EIF3L: variants seen among roughly 807,000 people sequenced by gnomAD.
EIF3L encodes eIEF associated protein HSPC021.
In EIF3L, 32 loss-of-function variants were observed where a neutral mutation model predicts 74.6. That is an observed-to-expected ratio of 0.43 (90% confidence interval 0.32 to 0.58). The LOEUF is 0.58. Ranked by LOEUF, EIF3L falls within the 20% of genes least tolerant of loss-of-function variation. The pLI is 0.06. For synonymous variants in EIF3L, 256 were observed against 254.4 expected (o/e 1.01, Z -0.06); for missense variants, 474 against 707.8 (o/e 0.67, Z 3.75).
chr22:37,868,405 G>T (rs932295832), intron 7 of EIF3L, among the ~76,000 whole-genome samples: 1 of 150,982 alleles, frequency 6.6e-6, no homozygotes, highest in African/African-American at 2.4e-5. Context: ...GATAACAGGT[G>T]TAAGCGCCAC....
At chr22:37,853,819 T>TATAAAATTAGA (rs1415597581) in intron 3 of EIF3L, among the ~76,000 whole-genome samples, 9 of 152,214 alleles carry the variant, frequency 5.9e-5, no homozygotes, top group Non-Finnish European at 1.2e-4. Context: ...GTGTTTAGAT[T>TATAAAATTAGA]TTATAGAGTT....
chr22:37,886,224 A>G (rs138246266), intron 11 of EIF3L: 3,889 of 150,814 alleles, frequency 0.026, 166 homozygotes, highest in Admixed American at 0.12. Flanking sequence ...AAAATAAAAG[A>G]CAAAAAAAAA....
intron 11 of EIF3L, chr22:37,881,750 A>G (rs1252970724): frequency 6.6e-6 from 1 of 152,186 alleles, no homozygotes; most frequent in African/African-American, 2.4e-5. Flanking sequence ...TCCATAGGGC[A>G]GAGGGGGTCT....
At chr22:37,863,663 G>T (rs182986115) in intron 7 of EIF3L, among the ~76,000 whole-genome samples, 1 of 152,232 alleles carries the variant, frequency 6.6e-6, no homozygotes, top group African/African-American at 2.4e-5. Context: ...TTCTAACTTG[G>T]GTGCTGCCAC....
chr22:37,849,809 G>C, intron 1 of EIF3L: 1 of 627,452 alleles, frequency 1.6e-6, no homozygotes, highest in Non-Finnish European at 2.8e-6. Flanking sequence ...CTTGTCCTTT[G>C]CTCCACCTCA....
intron 7 of EIF3L, among the ~76,000 whole-genome samples, chr22:37,868,259 G>A (rs1926270547): frequency 6.8e-6 from 1 of 148,140 alleles, no homozygotes; most frequent in African/African-American, 2.5e-5. Flanking sequence ...GATTACAGGT[G>A]TGCACCACCA....
chr22:37,882,599 C>G (rs1927106495), intron 11 of EIF3L: 1 of 152,068 alleles, frequency 6.6e-6, no homozygotes, highest in Non-Finnish European at 1.5e-5. Context: ...ATCACCTGAA[C>G]CTGGGAAGCA....
Position 37,888,494 on chromosome 22 carries a change from T to C in EIF3L, c.*30T>C. 11 of 1,611,892 alleles carry C rather than the reference T, an allele frequency of 6.8e-6. No individual in the cohort carries two copies. Among genetic ancestry groups the C allele is most frequent in the Non-Finnish European group, 8.5e-6 (10 of 1,179,042 alleles). ...ATTCACACACATTCAGGAACCTGTTTTGATGTATTATAGGCAGGAAGTGTT... is the reference window on the plus strand; with the variant it reads ...ATTCACACACATTCAGGAACCTGTTCTGATGTATTATAGGCAGGAAGTGTT... On this transcript the variant is annotated 3_prime_UTR_variant, in exon 13 of 13. Transcript: ENST00000652021.
At chr22:37,873,957 A>C (rs6000921) in intron 8 of EIF3L, among the ~76,000 whole-genome samples, 7,613 of 152,220 alleles carry the variant, frequency 0.05, 603 homozygotes, top group African/African-American at 0.17. Flanking sequence ...GCTTAAGTTG[A>C]CAGTAATTTT....
intron 11 of EIF3L, chr22:37,878,694 C>T (rs374780557): frequency 4.6e-5 from 7 of 153,422 alleles, no homozygotes; most frequent in African/African-American, 1.7e-4. Context: ...AACTCCCAAC[C>T]TCAGGTGATC....
At chr22:37,863,791 C>T (rs900674449) in intron 7 of EIF3L, among the ~76,000 whole-genome samples, 1 of 151,776 alleles carries the variant, frequency 6.6e-6, no homozygotes, top group African/African-American at 2.4e-5. Flanking sequence ...TCAGGCCGGG[C>T]GCGGTGACTC....
intron 11 of EIF3L, 198 bp from the exon 12 acceptor site, chr22:37,886,567 C>CAAA: frequency 2.6e-5 from 8 of 307,764 alleles, no homozygotes; most frequent in East Asian, 7.7e-5. Flanking sequence ...AACTCCATCT[C>CAAA]AAAAAAAAAA....
At chr22:37,874,255 A>T in intron 8 of EIF3L, 115 bp from the exon 9 acceptor site, 1 of 1,088,756 alleles carries the variant, frequency 9.2e-7, no homozygotes, top group Non-Finnish European at 1.3e-6. Flanking sequence ...CCAGTTGTTG[A>T]GGGAAGCTTT....
chr22:37,856,917 C>T (rs1413990311), intron 4 of EIF3L, among the ~76,000 whole-genome samples: 2 of 147,464 alleles, frequency 1.4e-5, no homozygotes, highest in African/African-American at 2.5e-5. Flanking sequence ...TTTTTTTCCC[C>T]AAGATTGTTT....
chr22:37,863,012 A>G lies in EIF3L; in HGVS notation c.479A>G (p.Tyr160Cys), dbSNP rs774832603. The change falls in exon 6 of 13, where the codon TAC becomes TGC. Residue 160 changes from tyrosine to cysteine, a missense_variant. This residue lies in a region of EIF3L where 141 missense variants were observed against 197.7 expected (regional missense o/e 0.71). Coordinates refer to ENST00000652021, the MANE Select transcript of EIF3L (RefSeq NM_016091.4). ...CAGAGGTTTGAATCCTATTACAACT[A>G]CTGCAATCTCTTCAACTACATTCTT... ...LEQRFESYYN[Y>C]CNLFNYILNA... 6.2e-7 allele frequency: 1 copy of G among 1,613,324 alleles called. No individual in the cohort carries two copies.
At chr22:37,864,161 A>AT (rs370840701) in intron 7 of EIF3L, among the ~76,000 whole-genome samples, 3 of 152,018 alleles carry the variant, frequency 2.0e-5, no homozygotes, top group African/African-American at 7.2e-5. Context: ...GGTTCAAGTG[A>AT]TTTTCCCACC....
chr22:37,876,995 A>G (rs1373536320), intron 10 of EIF3L: 2 of 152,314 alleles, frequency 1.3e-5, no homozygotes, highest in African/African-American at 4.8e-5. Flanking sequence ...CAGGTAAAGT[A>G]TAGTCCTGTG....
rs753076096 is a variant in EIF3L, at chr22:37,875,918, T to C, written c.984T>C (p.Arg328=). The change falls in exon 10 of 13, where the codon CGT becomes CGC. Residue 328 remains arginine, a synonymous_variant. Transcript: ENST00000652021. Reference sequence around the variant, plus strand: ...GGTTTGCATATTTGATGATGCGTCGTTACCAGGATGCCATCCGGGTCTTCG... The same window carrying C: ...GGTTTGCATATTTGATGATGCGTCGCTACCAGGATGCCATCCGGGTCTTCG... ...YVGFAYLMMR[R]YQDAIRVFAN... is the part of the protein sequence containing the mutation. The C allele has an allele frequency of 1.2e-6, 2 of 1,614,122 alleles. No individual in the cohort carries two copies. The highest frequency in any genetic ancestry group is 4.5e-5 in the East Asian group (2 of 44,886).
chr22:37,853,630 TG>T (rs1331977462), intron 3 of EIF3L, among the ~76,000 whole-genome samples: 1 of 152,206 alleles, frequency 6.6e-6, no homozygotes, highest in Non-Finnish European at 1.5e-5. Flanking sequence ...ATGGACCTGA[TG>T]TTCAATAGAA....
Sources: allele counts gnomAD v4.1 joint callset (sites outside exome capture counted in the v4.1 genomes callset), GRCh38; gene constraint gnomAD v4.1.1; regional missense constraint gnomAD v4.1.1; transcripts MANE v1.5; gene names NCBI Gene and HGNC (gene_info 2026-07-23, HGNC 2026-07-21).